The following PTPRG variants were observed in gnomAD, a reference collection of about 807,000 sequenced individuals.
The protein encoded by PTPRG is receptor-type tyrosine-protein phosphatase gamma.
Under a neutral mutation model 165.3 loss-of-function variants are expected in PTPRG, and 102 were observed. The ratio of observed to expected loss-of-function variants is 0.62; its 90% CI spans 0.53 to 0.73. The LOEUF (loss-of-function observed/expected upper bound fraction) is 0.73. Among genes scored for constraint, PTPRG ranks in the 30% least tolerant of loss-of-function variants. The pLI, the probability that PTPRG is intolerant of heterozygous loss-of-function variation, is 0.00. For missense variants in PTPRG, 1,866 were observed against 1,861.4 expected, an observed-to-expected ratio of 1.00 and a Z score of -0.05; for synonymous variants, 675 against 669.5, an observed-to-expected ratio of 1.01 and a Z score of -0.13.
intron 2 of PTPRG, among the ~76,000 whole-genome samples, chr3:61,832,860 C>T (rs543013299): frequency 3.9e-4 from 60 of 152,266 alleles, no homozygotes; most frequent in African/African-American, 1.3e-3. Context: ...CCTCTTCCCA[C>T]CCTTTCCCCG....
intron 1 of PTPRG, among the ~76,000 whole-genome samples, chr3:61,726,166 A>G (rs2106811590): frequency 6.6e-6 from 1 of 152,358 alleles, no homozygotes; most frequent in Admixed American, 6.5e-5. Flanking sequence ...AAATCTGCAC[A>G]GAGCGGCAGT....
chr3:62,134,931 T>C (rs576045473), intron 6 of PTPRG, among the ~76,000 whole-genome samples: 4 of 152,318 alleles, frequency 2.6e-5, no homozygotes, highest in Non-Finnish European at 5.9e-5. Flanking sequence ...GAGTATGTCG[T>C]TCTTCCAAAA....
Position 61,743,118 on chromosome 3 carries a change from C to T in PTPRG, c.86-5760C>T, listed in dbSNP as rs150053031. ...AGACTGCTGCTCATGGCTTCTCACG[C>T]CGCGCTAACCGGAAAAGAGCGGGTC... On this transcript the variant is annotated intron_variant, in intron 1 of 29. Coordinates refer to ENST00000474889, the MANE Select transcript of PTPRG (RefSeq NM_002841.4). The T allele has an allele frequency of 5.3e-5, 72 of 1,356,314 alleles. No homozygotes were observed. The African/African-American group carries it at 9.7e-4, about 18-fold the overall frequency. 84.0% of individuals were successfully genotyped at this position (1,356,314 alleles called of 1,614,324 possible). A position where few individuals can be genotyped will look rare whatever the true frequency, so the allele number is the denominator to read the frequency against.
At position 61,662,529 on chromosome 3, in the gene PTPRG, C is replaced by T. The variant is rs188722553; in HGVS notation, c.86-86349C>T. 1.1e-3 allele frequency among the ~76,000 whole-genome samples: 169 copies of T among 152,294 alleles called. 2 individuals are homozygous for T. The East Asian group carries it at 0.016, about 15-fold the overall frequency. Reference sequence around the variant, plus strand: ...AACTAAACTGCTCTTACATCCATGCCCCACAGAGCCTATGAGATGATAAAT... The same window carrying T: ...AACTAAACTGCTCTTACATCCATGCTCCACAGAGCCTATGAGATGATAAAT... On this transcript the variant is annotated intron_variant, in intron 1 of 29. Coordinates refer to ENST00000474889, the MANE Select transcript of PTPRG (RefSeq NM_002841.4).
intron 6 of PTPRG, among the ~76,000 whole-genome samples, chr3:62,133,292 A>G (rs751713025): frequency 1.3e-5 from 2 of 152,366 alleles, no homozygotes; most frequent in East Asian, 3.9e-4. Context: ...TCTAATTTCA[A>G]AAGTACCCTT....
At chr3:62,102,993 A>C (rs1317222841) in intron 5 of PTPRG, among the ~76,000 whole-genome samples, 1 of 152,186 alleles carries the variant, frequency 6.6e-6, no homozygotes, top group African/African-American at 2.4e-5. Flanking sequence ...TCAGAAGTTA[A>C]ATCACAAGTC....
Position 62,295,356 on chromosome 3 carries a change from T to C in PTPRG, c.*2049T>C, listed in dbSNP as rs1703027287. The C allele has an allele frequency of 6.6e-6, 1 of 152,060 alleles. No individual in the cohort carries two copies. The highest frequency in any genetic ancestry group is 1.5e-5 in the Non-Finnish European group (1 of 67,974). The allele number at this position is 152,060 out of a possible 1,614,324, so 9.4% of individuals were successfully genotyped here. ...TGGGTTGTTTTAGATGTATAGAGTATTGATATGAGTTAACACTTTTTAGTA... is the reference window on the plus strand; with the variant it reads ...TGGGTTGTTTTAGATGTATAGAGTACTGATATGAGTTAACACTTTTTAGTA... On this transcript the variant is annotated 3_prime_UTR_variant, in exon 30 of 30. Coordinates refer to ENST00000474889, the MANE Select transcript of PTPRG (RefSeq NM_002841.4).
chr3:62,007,485 A>G (rs1575879666), intron 4 of PTPRG, among the ~76,000 whole-genome samples: 1 of 152,194 alleles, frequency 6.6e-6, no homozygotes, highest in East Asian at 1.9e-4. Context: ...TGCCTTGGAG[A>G]CTGAACTCAA....
intron 2 of PTPRG, among the ~76,000 whole-genome samples, chr3:61,813,451 G>A (rs2035652444): frequency 6.6e-6 from 1 of 150,564 alleles, no homozygotes; most frequent in Non-Finnish European, 1.5e-5. Flanking sequence ...GGGAGGCAGA[G>A]GTTGCGTTGA....
intron 2 of PTPRG, among the ~76,000 whole-genome samples, chr3:61,764,497 A>G (rs2033953457): frequency 1.3e-5 from 2 of 152,216 alleles, no homozygotes; most frequent in Admixed American, 1.3e-4. Context: ...TCATCACATC[A>G]TTCTGTGAAA....
chr3:61,715,544 C>T (rs1440852618), intron 1 of PTPRG, among the ~76,000 whole-genome samples: 1 of 152,106 alleles, frequency 6.6e-6, no homozygotes, highest in East Asian at 1.9e-4. Context: ...GTCCATTTGG[C>T]AAGGCCCAGA....
rs984390879 is a variant in PTPRG at position 62,295,419 on chromosome 3, G to A, written c.*2112G>A. 10 of 151,990 alleles carry A rather than the reference G, an allele frequency of 6.6e-5. No individual in the cohort carries two copies. Among genetic ancestry groups the A allele is most frequent in the African/African-American group, 2.2e-4 (9 of 41,400 alleles). The allele number at this position is 151,990 out of a possible 1,614,324, so 9.4% of individuals were successfully genotyped here. ...GGCTTGATGTTCAAAAGTAATGTTC[G>A]AGTTAGGGTTCATGGTCCCTTTCTC... On this transcript the variant is annotated 3_prime_UTR_variant, in exon 30 of 30. Transcript: ENST00000474889.
At position 62,191,615 on chromosome 3, in the gene PTPRG, AAGG is replaced by A; in HGVS notation, c.1183_1185del (p.Glu395del). On this transcript the variant is annotated inframe_deletion, in exon 9 of 30. Transcript: ENST00000474889. ...CAGCTGGACCAAGAATGAGGACGAG[AAGG>A]AGAAGACGTTTACAAAGGACAGCGA... is the stretch of plus-strand genomic sequence containing the variant. 6.2e-7 allele frequency: 1 copy of A among 1,614,144 alleles called. No individual in the cohort carries two copies. Among genetic ancestry groups the A allele is most frequent in the Non-Finnish European group, 8.5e-7 (1 of 1,180,022 alleles).
Position 62,276,996 on chromosome 3 carries a change from C to T in PTPRG, c.3584C>T (p.Ala1195Val), listed in dbSNP as rs1375571598. 6 of 1,613,146 alleles carry T rather than the reference C, an allele frequency of 3.7e-6. No individual in the cohort carries two copies. In the South Asian group the frequency reaches 6.6e-5, roughly 18 times the overall value. Residue 1195 changes from alanine to valine, a missense_variant, in exon 25 of 30, where the codon GCA (alanine) becomes GTA (valine). Physicochemically the swap from Ala to Val is moderately conservative, Grantham distance 64. This residue lies in a region of PTPRG where 1,452 missense variants were observed against 1,463.0 expected (regional missense o/e 0.99). Coordinates refer to ENST00000474889, the MANE Select transcript of PTPRG (RefSeq NM_002841.4). ...VPSERARVGL[A>V]PLPGMKGTDY... ...GCTGAGCGTGCTCGAGTGGGTCTTG[C>T]ACCATTGCCTGGAATGAAAGGAACA...
rs528229651 is a variant in PTPRG, at chr3:61,775,417, G to A, written c.190+26435G>A. Among the ~76,000 whole-genome samples, 3 of 152,276 alleles carry A rather than the reference G, an allele frequency of 2.0e-5. No individual in the cohort carries two copies. In the South Asian group the frequency reaches 6.2e-4, roughly 32 times the overall value. On this transcript the variant is annotated intron_variant, in intron 2 of 29. Transcript: ENST00000474889. ...TAATTTTAAGCTTGCAAGACTGTAT[G>A]TAGCAAAGCTTGCAATGCAACATGG...
intron 12 of PTPRG, among the ~76,000 whole-genome samples, chr3:62,208,684 T>C (rs986579380): frequency 6.6e-6 from 1 of 152,040 alleles, no homozygotes; most frequent in Non-Finnish European, 1.5e-5. Flanking sequence ...TGAGACAGAG[T>C]GGAGGGTGCA....
intron 10 of PTPRG, among the ~76,000 whole-genome samples, chr3:62,198,200 G>A (rs2106825995): frequency 6.6e-6 from 1 of 152,240 alleles, no homozygotes; most frequent in South Asian, 2.1e-4. Context: ...TTTGTAGAAT[G>A]GCTCACAGTG....
At position 61,705,615 on chromosome 3, in the gene PTPRG, T is replaced by C. The variant is rs534886401; in HGVS notation, c.86-43263T>C. Among the ~76,000 whole-genome samples, 77 of 152,338 alleles carry C rather than the reference T, an allele frequency of 5.1e-4. 1 individual carries two copies. Among genetic ancestry groups the C allele is most frequent in the African/African-American group, 1.8e-3 (73 of 41,582 alleles). ...TAACTGTGCAATAAAGAAGAGTCAT[T>C]GATGTTAAATGAATCAGGTGTTATG... is the stretch of plus-strand genomic sequence containing the variant. On this transcript the variant is annotated intron_variant, in intron 1 of 29. Coordinates refer to ENST00000474889, the MANE Select transcript of PTPRG (RefSeq NM_002841.4).
intron 2 of PTPRG, among the ~76,000 whole-genome samples, chr3:61,903,120 A>G (rs1410398815): frequency 1.3e-5 from 2 of 152,034 alleles, no homozygotes; most frequent in African/African-American, 2.4e-5. Flanking sequence ...CAAACAAACC[A>G]TGCTCTCTCC....
Sources: gnomAD v4.1 joint callset for allele counts (sites outside exome capture counted in the v4.1 genomes callset) on GRCh38, gnomAD v4.1.1 for gene constraint, gnomAD v4.1.1 regional missense constraint, MANE v1.5 for transcripts, NCBI Gene and HGNC (gene_info 2026-07-23, HGNC 2026-07-21) for gene names.